Variants in PTK2 observed in about 807,000 individuals in gnomAD.
The protein encoded by PTK2 is focal adhesion kinase 1.
Under a neutral mutation model 150.1 loss-of-function variants are expected in PTK2, and 45 were observed. The ratio of observed to expected loss-of-function variants is 0.30; its 90% CI spans 0.24 to 0.38. The LOEUF is 0.38. PTK2 is among the 10% of genes least tolerant of loss of function. The probability of loss-of-function intolerance (pLI) is 1.00; values close to 1 mark genes in which losing one functional copy is unlikely to be tolerated. For missense variants in PTK2, 919 were observed against 1,307.3 expected (o/e 0.70, Z 4.58); for synonymous variants, 432 against 449.2 (o/e 0.96, Z 0.48).
intron 20 of PTK2, 116 bp from the exon 24 acceptor site, chr8:140,739,223 G>A: frequency 3.5e-6 from 2 of 575,568 alleles, no homozygotes; most frequent in Non-Finnish European, 2.8e-6. Flanking sequence ...AACCCTTGAG[G>A]CTTCCATTTA....
chr8:140,871,853 T>C (rs2100142717), intron 4 of PTK2, among the ~76,000 whole-genome samples: 1 of 152,174 alleles, frequency 6.6e-6, no homozygotes, highest in African/African-American at 2.4e-5. Context: ...CACTCCAGCC[T>C]GTTTAACAAG....
chr8:140,735,451 C>G (rs751136268), exon 22 of PTK2: 1 of 1,613,896 alleles, frequency 6.2e-7, no homozygotes, highest in South Asian at 1.1e-5. Context: ...CCCACATACA[C>G]ACACCTGTCA....
intron 14 of PTK2, 137 bp downstream of exon 15, chr8:140,770,579 G>C: frequency 3.9e-6 from 1 of 254,742 alleles, no homozygotes; most frequent in South Asian, 1.3e-4. Flanking sequence ...TATTGCTTCT[G>C]AACAATGAAC....
intron 1 of PTK2, among the ~76,000 whole-genome samples, chr8:140,992,977 G>A (rs963560303): frequency 1.1e-4 from 16 of 152,124 alleles, no homozygotes; most frequent in African/African-American, 3.9e-4. Context: ...TTAGCAAAAG[G>A]TACATTAGAG....
intron 23 of PTK2, among the ~76,000 whole-genome samples, chr8:140,712,208 C>A (rs999603337): frequency 6.0e-5 from 9 of 151,180 alleles, no homozygotes; most frequent in Admixed American, 2.0e-4. Flanking sequence ...AAAAAAAAAA[C>A]CTACTTTTTC....
chr8:140,684,213 CAG>C (rs2100018549), intron 27 of PTK2, among the ~76,000 whole-genome samples: 1 of 152,170 alleles, frequency 6.6e-6, no homozygotes, highest in African/African-American at 2.4e-5. Context: ...TCCACGGACT[CAG>C]GGGATGGGGT....
At chr8:140,675,883 T>G (rs2100013333) in intron 27 of PTK2, 1 of 164,168 alleles carries the variant, frequency 6.1e-6, no homozygotes. Flanking sequence ...GAACTACCAT[T>G]CGATCCAGCA....
chr8:140,947,569 GGTAGA>G (rs996269414), intron 1 of PTK2, among the ~76,000 whole-genome samples: 4 of 151,742 alleles, frequency 2.6e-5, no homozygotes, highest in Non-Finnish European at 4.4e-5. Context: ...ACTTCAAGGT[GGTAGA>G]GTAATGAGTT....
chr8:140,701,402 A>G, intron 25 of PTK2, among the ~76,000 whole-genome samples: 1 of 152,190 alleles, frequency 6.6e-6, no homozygotes, highest in East Asian at 1.9e-4. Flanking sequence ...AATAGCAGAC[A>G]ACTATAGATG....
At chr8:140,916,771 C>A (rs2100165426) in intron 2 of PTK2, among the ~76,000 whole-genome samples, 1 of 152,160 alleles carries the variant, frequency 6.6e-6, no homozygotes, top group African/African-American at 2.4e-5. Flanking sequence ...GTGTGTACGG[C>A]ATATTGATTA....
At chr8:140,858,827 T>C (rs2100134393) in intron 5 of PTK2, among the ~76,000 whole-genome samples, 1 of 152,202 alleles carries the variant, frequency 6.6e-6, no homozygotes, top group South Asian at 2.1e-4. Context: ...TATCTAAATA[T>C]GTGCAAGGTG....
At position 140,769,608 on chromosome 8, in the gene PTK2, G is replaced by T. The variant is rs781432908; in HGVS notation, c.1178-5318C>A. On this transcript the variant is annotated intron_variant, in intron 14 of 31. Transcript: ENST00000522684. ...CTAATTTCATCTGCAGATCCGGGTGGCATGCAAAGAAAGGGAAGTAGGGAA... is the reference window on the plus strand; with the variant it reads ...CTAATTTCATCTGCAGATCCGGGTGTCATGCAAAGAAAGGGAAGTAGGGAA... The T allele has an allele frequency of 7.4e-7, 1 of 1,359,282 alleles. No individual in the cohort carries two copies. The highest frequency in any genetic ancestry group is 1.5e-5 in the African/African-American group (1 of 68,030). The allele number at this position is 1,359,282 out of a possible 1,614,324, so 84.2% of individuals were successfully genotyped here. A position where few individuals can be genotyped will look rare whatever the true frequency, so the allele number is the denominator to read the frequency against.
intron 1 of PTK2, among the ~76,000 whole-genome samples, chr8:140,934,301 A>G (rs962877671): frequency 3.9e-5 from 6 of 152,142 alleles, no homozygotes; most frequent in Non-Finnish European, 8.8e-5. Context: ...CCAGCTACTC[A>G]GGAGGCTGAG....
intron 7 of PTK2, among the ~76,000 whole-genome samples, chr8:140,844,827 T>C (rs2100124376): frequency 6.6e-6 from 1 of 152,204 alleles, no homozygotes; most frequent in South Asian, 2.1e-4. Flanking sequence ...CCAACATTTA[T>C]CTTTCCTTTT....
chr8:140,986,401 C>T (rs1200845219), intron 1 of PTK2, among the ~76,000 whole-genome samples: 1 of 152,168 alleles, frequency 6.6e-6, no homozygotes, highest in Admixed American at 6.5e-5. Context: ...AAAATATGGA[C>T]AGAATATTTT....
chr8:140,765,172 T>G lies in PTK2; in HGVS notation c.1178-882A>C, dbSNP rs1346292851. 2.6e-5 allele frequency: 4 copies of G among 152,344 alleles called. No individual in the cohort carries two copies. The South Asian group carries it at 6.2e-4, about 24-fold the overall frequency. The allele number at this position is 152,344 out of a possible 1,614,324, so 9.4% of individuals were successfully genotyped here. On this transcript the variant is annotated intron_variant, in intron 14 of 31. Coordinates refer to ENST00000522684, the Ensembl canonical transcript of PTK2. Reference sequence around the variant, plus strand: ...AAGGATTTTAACTGCTGGGCCATTCTTGTGAGTCAGTAAAGCAGGGACAGG... The same window carrying G: ...AAGGATTTTAACTGCTGGGCCATTCGTGTGAGTCAGTAAAGCAGGGACAGG...
chr8:140,662,175 T>G (rs1438355770), intron 31 of PTK2, among the ~76,000 whole-genome samples: 3 of 151,938 alleles, frequency 2.0e-5, no homozygotes, highest in African/African-American at 2.4e-5. Flanking sequence ...TATACAACTG[T>G]AATCCCAGCT....
At chr8:140,819,083 A>C in intron 8 of PTK2, 63 bp from the exon 9 acceptor site, 1 of 1,533,030 alleles carries the variant, frequency 6.5e-7, no homozygotes, top group East Asian at 2.3e-5. Context: ...CCACAACAAT[A>C]ATGGTAAGAT....
chr8:140,860,404 A>G (rs1272915329), intron 5 of PTK2, among the ~76,000 whole-genome samples: 1 of 152,202 alleles, frequency 6.6e-6, no homozygotes. Flanking sequence ...AGGGTCACCC[A>G]ACAAACTGGA....
Sources: gnomAD v4.1 joint callset for allele counts (sites outside exome capture counted in the v4.1 genomes callset) on GRCh38, gnomAD v4.1.1 for gene constraint, MANE v1.5 for transcripts, NCBI Gene and HGNC (gene_info 2026-07-23, HGNC 2026-07-21) for gene names.